The following DOT1L variants were observed in gnomAD, a reference collection of about 807,000 sequenced individuals.
DOT1L encodes the protein histone-lysine N-methyltransferase, H3 lysine-79 specific.
Under a neutral mutation model 153.3 loss-of-function variants are expected in DOT1L, and 33 were observed. That is an observed-to-expected ratio of 0.22 (90% confidence interval 0.16 to 0.29). The LOEUF (loss-of-function observed/expected upper bound fraction) is 0.29, where lower values mean the gene tolerates loss of function less well. DOT1L is among the 10% of genes least tolerant of loss of function. The probability of loss-of-function intolerance (pLI) is 1.00; values close to 1 mark genes in which losing one functional copy is unlikely to be tolerated. For synonymous variants in DOT1L, 1,135 were observed against 965.1 expected (o/e 1.18, Z -3.26); for missense variants, 1,847 against 2,119.9 (o/e 0.87, Z 2.53).
intron 25 of DOT1L, among the ~76,000 whole-genome samples, chr19:2,223,967 A>G (rs2024227134): frequency 6.6e-6 from 1 of 150,454 alleles, no homozygotes; most frequent in African/African-American, 2.5e-5. Flanking sequence ...TGAAACACTC[A>G]CTCCCCTTCT....
chr19:2,193,923 C>T lies in DOT1L; in HGVS notation c.588+140C>T, dbSNP rs2022903367. ...TCCAGGCCCAAGACGTCTTGGTTGC[C>T]TGCAGCGTGTGCCTGTGAATAGGGT... On this transcript the variant is annotated intron_variant, in intron 6 of 27. Transcript: ENST00000398665. This position sits in a 1 kb window ranked among gnomAD's most constrained non-coding sequence, Gnocchi z 5.9. 4 of 864,888 alleles carry T rather than the reference C, an allele frequency of 4.6e-6. No homozygotes were observed. The highest frequency in any genetic ancestry group is 2.6e-5 in the East Asian group (1 of 38,106). The allele number at this position is 864,888 out of a possible 1,614,324, so 53.6% of individuals were successfully genotyped here.
At chr19:2,206,201 T>C (rs987009326) in intron 9 of DOT1L, among the ~76,000 whole-genome samples, 4 of 151,912 alleles carry the variant, frequency 2.6e-5, no homozygotes, top group African/African-American at 7.3e-5. Flanking sequence ...GGTTTTACCC[T>C]GTTAGCCAGG....
chr19:2,168,239 G>A (rs1307761846), intron 1 of DOT1L, among the ~76,000 whole-genome samples: 1 of 152,192 alleles, frequency 6.6e-6, no homozygotes, highest in African/African-American at 2.4e-5. Context: ...AAGCCCAGGC[G>A]GGAGGATTGC....
At chr19:2,165,883 C>G (rs191648897) in intron 1 of DOT1L, among the ~76,000 whole-genome samples, 206 of 151,978 alleles carry the variant, frequency 1.4e-3, no homozygotes, top group Non-Finnish European at 2.3e-3. Context: ...ATTCTCCTGC[C>G]TCAGCCTCCC....
At position 2,228,161 on chromosome 19, in the gene DOT1L, C is replaced by G. The variant is rs754931184; in HGVS notation, c.4606+1034C>G. The stretch of plus-strand genomic sequence containing the variant: ...ACGCCTCTTTGTCTATCAAGCTCAC[C>G]TCCCTCCCGCACAAGGGCGCCCGCC... On this transcript the variant is annotated intron_variant, in intron 27 of 27. Coordinates refer to ENST00000398665, the MANE Select transcript of DOT1L (RefSeq NM_032482.3). The G allele has an allele frequency of 1.2e-5, 17 of 1,364,810 alleles. No individual in the cohort carries two copies. The Admixed American group carries it at 2.7e-4, about 21-fold the overall frequency. The allele number at this position is 1,364,810 out of a possible 1,614,324, so 84.5% of individuals were successfully genotyped here.
At chr19:2,199,173 G>GGT (rs1397263872) in intron 7 of DOT1L, among the ~76,000 whole-genome samples, 2 of 152,266 alleles carry the variant, frequency 1.3e-5, no homozygotes, top group Non-Finnish European at 2.9e-5. Flanking sequence ...TCTCCTGGAC[G>GGT]GTGCCAGGTC....
intron 27 of DOT1L, chr19:2,227,555 C>T (rs1599628379): frequency 4.7e-6 from 3 of 633,396 alleles, no homozygotes; most frequent in Non-Finnish European, 6.9e-6. Flanking sequence ...TGCTGCGGGG[C>T]GGGGGGCCGG....
Position 2,197,437 on chromosome 19 carries a change from G to T in DOT1L, c.652-2447G>T. ...GGAGGGCGCCATGGTGCCTTCCTCC[G>T]CGCGGTCTGGCTGGGCTGAGCCTTG... is the stretch of plus-strand genomic sequence containing the variant. On this transcript the variant is annotated intron_variant, in intron 7 of 27. Transcript: ENST00000398665. The surrounding 1 kb of genome is among the most constrained non-coding windows in gnomAD (Gnocchi z 4.1). Among the ~76,000 whole-genome samples the T allele has an allele frequency of 6.6e-6, 1 of 152,322 alleles. No individual in the cohort carries two copies. The highest frequency in any genetic ancestry group is 2.4e-5 in the African/African-American group (1 of 41,574).
In DOT1L at chr19:2,191,275, C is replaced by T; in HGVS notation, c.493+35C>T. ...GCCCGCCATGCCCGGCTCCTGTGCACTTCCAGGCCACACGCTCTGTGCCTG... is the reference window on the plus strand; with the variant it reads ...GCCCGCCATGCCCGGCTCCTGTGCATTTCCAGGCCACACGCTCTGTGCCTG... On this transcript the variant is annotated intron_variant, in intron 5 of 27. Coordinates refer to ENST00000398665, the MANE Select transcript of DOT1L (RefSeq NM_032482.3). This position sits in a 1 kb window ranked among gnomAD's most constrained non-coding sequence, Gnocchi z 6.8. The T allele has an allele frequency of 1.2e-6, 2 of 1,601,422 alleles. No individual in the cohort carries two copies. The highest frequency in any genetic ancestry group is 1.7e-6 in the Non-Finnish European group (2 of 1,169,644).
chr19:2,210,445 A>G lies in DOT1L; in HGVS notation c.1051A>G (p.Ser351Gly). The G allele has an allele frequency of 6.3e-7, 1 of 1,575,680 alleles. No homozygotes were observed. Among genetic ancestry groups the G allele is most frequent in the East Asian group, 2.3e-5 (1 of 43,008 alleles). Residue 351 changes from serine (S) to glycine (G), a missense_variant, in exon 13 of 28, where the codon AGC (serine) becomes GGC (glycine). Ser to Gly is a moderately conservative substitution (Grantham distance 56). This residue lies in a region of DOT1L where 205 missense variants were observed against 203.1 expected (regional missense o/e 1.01). Transcript: ENST00000398665. ...ARRRQQRESKSNAATPTKGPE... is the reference protein window; with the variant it reads ...ARRRQQRESKGNAATPTKGPE... ...GCGCCGCCAGCAGCGCGAGAGCAAG[A>G]GCAACGCGGCCACGCCCACTAAGGG...
At chr19:2,177,840 C>A (rs908047192) in intron 1 of DOT1L, among the ~76,000 whole-genome samples, 3 of 152,066 alleles carry the variant, frequency 2.0e-5, no homozygotes, top group African/African-American at 7.2e-5. Context: ...TGGCTCACTG[C>A]AAGCTCTGCT....
chr19:2,199,782 A>G (rs2023168559), intron 7 of DOT1L, 102 bp from the exon 8 acceptor site: 1 of 1,456,156 alleles, frequency 6.9e-7, no homozygotes, highest in Non-Finnish European at 9.3e-7. Context: ...CCTTCACTGC[A>G]AGCGGAGCTG....
chr19:2,223,952 C>T (rs958665137), intron 25 of DOT1L, among the ~76,000 whole-genome samples: 2 of 152,184 alleles, frequency 1.3e-5, no homozygotes, highest in Non-Finnish European at 2.9e-5. Flanking sequence ...ATCTCATCAT[C>T]CCCTTGAAAC....
intron 3 of DOT1L, among the ~76,000 whole-genome samples, chr19:2,187,893 G>C (rs968720578): frequency 6.8e-6 from 1 of 146,978 alleles, no homozygotes; most frequent in Non-Finnish European, 1.5e-5. Context: ...CCGCACTCCA[G>C]CCTGGGTGAC....
chr19:2,181,761 G>GCCC, intron 2 of DOT1L, among the ~76,000 whole-genome samples: 5 of 138,586 alleles, frequency 3.6e-5, no homozygotes, highest in Non-Finnish European at 4.8e-5. Flanking sequence ...CCCCCGCCCA[G>GCCC]CACCAGCCCC....
At chr19:2,199,735 A>T in intron 7 of DOT1L, 149 bp from the exon 8 acceptor site, 1 of 1,031,046 alleles carries the variant, frequency 9.7e-7, no homozygotes, top group Non-Finnish European at 1.4e-6. Flanking sequence ...TGCAGCTCCC[A>T]GGGCTGCAGC....
intron 3 of DOT1L, among the ~76,000 whole-genome samples, chr19:2,189,442 C>T (rs1398953564): frequency 6.6e-6 from 1 of 152,244 alleles, no homozygotes; most frequent in Non-Finnish European, 1.5e-5. Context: ...GCCTCCAGCA[C>T]ACGTGGACCT....
At chr19:2,183,852 C>A (rs984359353) in intron 2 of DOT1L, among the ~76,000 whole-genome samples, 1 of 152,094 alleles carries the variant, frequency 6.6e-6, no homozygotes, top group Non-Finnish European at 1.5e-5. Context: ...GTCTCGAACT[C>A]CTGACCTCGT....
Position 2,191,388 on chromosome 19 carries a change from G to A in DOT1L, c.493+148G>A. ...CTTCTCCCAGCGCCTCTGTCCCGCT[G>A]TGGGGCCGTTCCTTTCCCCAGCCCT... On this transcript the variant is annotated intron_variant, in intron 5 of 27. Coordinates refer to ENST00000398665, the MANE Select transcript of DOT1L (RefSeq NM_032482.3). The surrounding 1 kb of genome is among the most constrained non-coding windows in gnomAD (Gnocchi z 6.8). The A allele has an allele frequency of 1.2e-6, 1 of 819,408 alleles. No individual in the cohort carries two copies. The highest frequency in any genetic ancestry group is 1.9e-6 in the Non-Finnish European group (1 of 515,606). The allele number at this position is 819,408 out of a possible 1,614,324, so 50.8% of individuals were successfully genotyped here.
Sources: gnomAD v4.1 joint callset for allele counts (sites outside exome capture counted in the v4.1 genomes callset) on GRCh38, gnomAD v4.1.1 for gene constraint, gnomAD v4.1.1 regional missense constraint, Gnocchi (gnomAD v3.1) non-coding constraint, MANE v1.5 for transcripts, NCBI Gene and HGNC (gene_info 2026-07-23, HGNC 2026-07-21) for gene names.